Variants in NPAS2 observed in about 807,000 individuals in gnomAD.
The protein encoded by NPAS2 is neuronal PAS domain-containing protein 2.
Under a neutral mutation model 107.5 loss-of-function variants are expected in NPAS2, and 23 were observed. The ratio of observed to expected loss-of-function variants is 0.21; its 90% confidence interval spans 0.15 to 0.30. NPAS2 has a LOEUF of 0.30. NPAS2 is among the 10% of genes least tolerant of loss of function. The pLI is 1.00. For synonymous variants in NPAS2, 403 were observed against 417.5 expected (o/e 0.97, Z 0.42); for missense variants, 756 against 1,043.3 (o/e 0.72, Z 3.79).
chr2:100,973,011 T>G (rs573189456), intron 12 of NPAS2, among the ~76,000 whole-genome samples: 151 of 152,116 alleles, frequency 9.9e-4, no homozygotes, highest in African/African-American at 3.5e-3. Context: ...AAACCCCGTC[T>G]CCACTAAAAA....
At chr2:100,925,359 C>G in intron 3 of NPAS2, 65 bp downstream of exon 3, 1 of 1,554,738 alleles carries the variant, frequency 6.4e-7, no homozygotes, top group Non-Finnish European at 8.8e-7. Context: ...ATGACTTCAC[C>G]AATCTGGGCT....
chr2:100,916,404 A>G (rs909694392), intron 2 of NPAS2, among the ~76,000 whole-genome samples: 7 of 152,230 alleles, frequency 4.6e-5, no homozygotes, highest in Non-Finnish European at 1.0e-4. Context: ...AAGTAAAACT[A>G]TGGAAAATGA....
At chr2:100,866,008 C>T (rs937143550) in intron 1 of NPAS2, among the ~76,000 whole-genome samples, 1 of 152,150 alleles carries the variant, frequency 6.6e-6, no homozygotes, top group African/African-American at 2.4e-5. Context: ...CAGGGTGACC[C>T]GCCCCTCTTC....
At chr2:100,889,576 C>G (rs1446926668) in intron 1 of NPAS2, among the ~76,000 whole-genome samples, 2 of 152,136 alleles carry the variant, frequency 1.3e-5, no homozygotes, top group Admixed American at 1.3e-4. Context: ...TTTACCACAC[C>G]GGATATCCTG....
chr2:100,877,454 A>G (rs1246221168), intron 1 of NPAS2, among the ~76,000 whole-genome samples: 1 of 141,510 alleles, frequency 7.1e-6, no homozygotes, highest in African/African-American at 2.9e-5. Flanking sequence ...TCAAAAAAAA[A>G]AAAAAAAAAA....
chr2:100,913,213 C>G (rs1263148737), intron 2 of NPAS2, among the ~76,000 whole-genome samples: 1 of 152,224 alleles, frequency 6.6e-6, no homozygotes, highest in African/African-American at 2.4e-5. Flanking sequence ...GCACATCTAT[C>G]TGCATACCTA....
At chr2:100,837,811 G>A (rs1163753231) in intron 1 of NPAS2, among the ~76,000 whole-genome samples, 1 of 152,176 alleles carries the variant, frequency 6.6e-6, no homozygotes, top group African/African-American at 2.4e-5. Flanking sequence ...ATATGGAAGA[G>A]AGACACTGTT....
rs1469856336 is a variant in NPAS2, at chr2:100,995,946, G to A, written c.*364G>A. On this transcript the variant is annotated 3_prime_UTR_variant, in exon 21 of 21. Transcript: ENST00000335681. ...AGCCACCTGCGGCCCGCCCATCTGCGCTAGCTGGCCTTCACGCTCTTGATC... is the reference window on the plus strand; with the variant it reads ...AGCCACCTGCGGCCCGCCCATCTGCACTAGCTGGCCTTCACGCTCTTGATC... 20 of 1,369,934 alleles carry A rather than the reference G, an allele frequency of 1.5e-5. No homozygotes were observed. In the Admixed American group the frequency reaches 1.5e-4, roughly 11 times the overall value. 84.9% of individuals were successfully genotyped at this position (1,369,934 alleles called of 1,614,324 possible). A position where few individuals can be genotyped will look rare whatever the true frequency, so the allele number is the denominator to read the frequency against.
chr2:100,982,032 T>C (rs6719037), intron 15 of NPAS2, among the ~76,000 whole-genome samples, 199 bp from the exon 16 acceptor site: 149,506 of 152,328 alleles, frequency 0.98, 73,391 homozygotes, highest in East Asian at 1. Context: ...GAAAGACTGG[T>C]GCAGGGGCCC....
intron 1 of NPAS2, among the ~76,000 whole-genome samples, chr2:100,827,934 G>A (rs1340922532): frequency 1.3e-5 from 2 of 152,192 alleles, no homozygotes; most frequent in Non-Finnish European, 2.9e-5. Context: ...ACTACTATCA[G>A]TAGTGGGATG....
intron 1 of NPAS2, among the ~76,000 whole-genome samples, chr2:100,867,053 A>G (rs1445378430): frequency 6.6e-6 from 1 of 152,220 alleles, no homozygotes; most frequent in African/African-American, 2.4e-5. Flanking sequence ...TTTGAAGTGG[A>G]TGCTCCAAAT....
chr2:100,942,869 C>T (rs1257028633), intron 5 of NPAS2, among the ~76,000 whole-genome samples: 2 of 152,204 alleles, frequency 1.3e-5, no homozygotes, highest in African/African-American at 4.8e-5. Context: ...TCCTTTTGCT[C>T]AACATCGTTT....
upstream of NPAS2, among the ~76,000 whole-genome samples, chr2:100,819,370 C>G (rs1675912129): frequency 6.6e-6 from 1 of 152,132 alleles, no homozygotes; most frequent in Non-Finnish European, 1.5e-5. This position sits in a 1 kb window ranked among gnomAD's most constrained non-coding sequence, Gnocchi z 5.8. Context: ...ATTTTCCGGA[C>G]CAGCTACGTT....
intron 1 of NPAS2, among the ~76,000 whole-genome samples, chr2:100,845,543 T>G (rs1677722940): frequency 6.6e-6 from 1 of 152,216 alleles, no homozygotes; most frequent in Non-Finnish European, 1.5e-5. Flanking sequence ...GCTGACTACA[T>G]GCACTCAGGC....
chr2:100,925,669 A>G lies in NPAS2; in HGVS notation c.181+375A>G, dbSNP rs145033006. ...TACTCACTTCCTGTGGGATCAGACT[A>G]TGTGGGCCTTTTCATCCCTCTCTGC... On this transcript the variant is annotated intron_variant, in intron 3 of 20. Coordinates refer to ENST00000335681, the MANE Select transcript of NPAS2 (RefSeq NM_002518.4). Among the ~76,000 whole-genome samples, 413 of 152,308 alleles carry G rather than the reference A, an allele frequency of 2.7e-3. 2 individuals carry two copies. Among genetic ancestry groups the G allele is most frequent in the African/African-American group, 9.6e-3 (399 of 41,578 alleles).
At chr2:100,971,138 G>C (rs1573753921) in intron 12 of NPAS2, 64 bp downstream of exon 12, 1 of 1,477,082 alleles carries the variant, frequency 6.8e-7, no homozygotes, top group East Asian at 2.3e-5. Flanking sequence ...CAGCCAACCA[G>C]TCTCTGAAAC....
chr2:100,843,410 A>G (rs926748496), intron 1 of NPAS2, among the ~76,000 whole-genome samples: 3 of 152,284 alleles, frequency 2.0e-5, no homozygotes, highest in Non-Finnish European at 2.9e-5. Flanking sequence ...AAACAGCAAT[A>G]TAGTTTTGGG....
At chr2:100,873,990 T>G (rs1679791041) in intron 1 of NPAS2, among the ~76,000 whole-genome samples, 1 of 151,786 alleles carries the variant, frequency 6.6e-6, no homozygotes, top group Non-Finnish European at 1.5e-5. Flanking sequence ...TGTTTTTTGT[T>G]TTTTTTTGAG....
intron 1 of NPAS2, among the ~76,000 whole-genome samples, chr2:100,838,752 C>T (rs1457932894): frequency 6.6e-6 from 1 of 152,052 alleles, no homozygotes; most frequent in Non-Finnish European, 1.5e-5. Context: ...TCATAATAAT[C>T]GGAGGAGATA....
Sources: gnomAD v4.1 joint callset for allele counts (sites outside exome capture counted in the v4.1 genomes callset) on GRCh38, gnomAD v4.1.1 for gene constraint, Gnocchi (gnomAD v3.1) non-coding constraint, MANE v1.5 for transcripts, NCBI Gene and HGNC (gene_info 2026-07-23, HGNC 2026-07-21) for gene names.